Variants in CDH23 observed in about 807,000 individuals in gnomAD.
CDH23 encodes cadherin related 23.
Under a neutral mutation model 317.1 loss-of-function variants are expected in CDH23, and 189 were observed. The observed-to-expected ratio is 0.60, with a 90% CI of 0.53 to 0.67. The LOEUF is 0.67. Among genes scored for constraint, CDH23 ranks in the 30% least tolerant of loss-of-function variants. CDH23 has a pLI of 0.00. For missense variants in CDH23, 4,401 were observed against 4,592.4 expected, an observed-to-expected ratio of 0.96 and a Z score of 1.20; for synonymous variants, 1,839 against 1,876.8, an observed-to-expected ratio of 0.98 and a Z score of 0.52.
chr10:71,468,465 A>G (rs144996806), intron 3 of CDH23, among the ~76,000 whole-genome samples: 1 of 152,250 alleles, frequency 6.6e-6, no homozygotes, highest in Non-Finnish European at 1.5e-5. Flanking sequence ...ATGATGCATG[A>G]TCCTTCCAGC....
chr10:71,591,709 G>A (rs1030243629), intron 9 of CDH23, among the ~76,000 whole-genome samples: 6 of 152,332 alleles, frequency 3.9e-5, no homozygotes, highest in South Asian at 2.1e-4. Context: ...AGGCAATGCT[G>A]ATGTAGGAGT....
intron 55 of CDH23, among the ~76,000 whole-genome samples, chr10:71,805,059 T>C (rs2132982115): frequency 6.6e-6 from 1 of 152,370 alleles, no homozygotes; most frequent in African/African-American, 2.4e-5. Context: ...TCAGTTGTCA[T>C]GATCCATGAG....
rs1842006552 is a variant in CDH23, at chr10:71,813,329, G to A, written c.9719G>A (p.Cys3240Tyr). 1 of 1,551,634 alleles carries A rather than the reference G, an allele frequency of 6.4e-7. No homozygotes were observed. Among genetic ancestry groups the A allele is most frequent in the African/African-American group, 1.4e-5 (1 of 73,162 alleles). ...AQRMVQKASS[C>Y]HSSISELIQT... ...CGGATGGTGCAAAAAGCCTCCTCCT[G>A]CCACTCCTCCATCTCTGAGGTAGCC... is the stretch of plus-strand genomic sequence containing the variant. The change falls in exon 69 of 70, where the codon TGC (cysteine) becomes TAC (tyrosine). Residue 3240 changes from cysteine to tyrosine, a missense_variant. Physicochemically the swap from Cys to Tyr is radical, Grantham distance 194 (BLOSUM62 -2). Coordinates refer to ENST00000224721, the MANE Select transcript of CDH23 (RefSeq NM_022124.6).
chr10:71,612,107 A>G (rs1036328907), intron 9 of CDH23, among the ~76,000 whole-genome samples: 1 of 152,198 alleles, frequency 6.6e-6, no homozygotes, highest in Admixed American at 6.5e-5. Flanking sequence ...GTCCTCTCTC[A>G]GGTGGCCTTG....
intron 6 of CDH23, among the ~76,000 whole-genome samples, chr10:71,557,620 A>G (rs906030408): frequency 6.6e-6 from 1 of 152,248 alleles, no homozygotes; most frequent in Non-Finnish European, 1.5e-5. Context: ...TCATCTGAAC[A>G]ATGCGTTCAT....
intron 11 of CDH23, among the ~76,000 whole-genome samples, chr10:71,623,165 C>G (rs1162303004): frequency 6.6e-6 from 1 of 152,126 alleles, no homozygotes; most frequent in Non-Finnish European, 1.5e-5. Context: ...ACTCTATAAA[C>G]AGGGTGAGTG....
chr10:71,487,745 A>T (rs1246845729), intron 3 of CDH23, among the ~76,000 whole-genome samples: 1 of 152,098 alleles, frequency 6.6e-6, no homozygotes, highest in Non-Finnish European at 1.5e-5. Flanking sequence ...CCCTGGTTGT[A>T]AGTGGTCTTG....
chr10:71,721,867 C>A (rs548192587), intron 28 of CDH23, among the ~76,000 whole-genome samples: 1 of 152,276 alleles, frequency 6.6e-6, no homozygotes, highest in Non-Finnish European at 1.5e-5. Flanking sequence ...GACTGGGGTC[C>A]TAGTTCCTTC....
At chr10:71,594,171 T>G (rs1285892463) in intron 9 of CDH23, among the ~76,000 whole-genome samples, 2 of 152,190 alleles carry the variant, frequency 1.3e-5, no homozygotes, top group Non-Finnish European at 2.9e-5. Context: ...TGAACTCCAG[T>G]TAAGCAAAAT....
At chr10:71,767,096 T>C (rs1306236745) in intron 38 of CDH23, among the ~76,000 whole-genome samples, 1 of 152,236 alleles carries the variant, frequency 6.6e-6, no homozygotes, top group Non-Finnish European at 1.5e-5. Flanking sequence ...GACCTGTGCC[T>C]GAGATTTCTA....
intron 47 of CDH23, 135 bp from the exon 48 acceptor site, chr10:71,793,047 A>T (rs1168637660): frequency 6.8e-6 from 4 of 588,308 alleles, no homozygotes; most frequent in Non-Finnish European, 1.2e-5. Context: ...TGCAAGTATG[A>T]AAAAGGTATA....
chr10:71,641,343 C>T (rs1005977836), intron 11 of CDH23, among the ~76,000 whole-genome samples: 1 of 152,154 alleles, frequency 6.6e-6, no homozygotes, highest in Non-Finnish European at 1.5e-5. Context: ...AGGGCAGCAC[C>T]GGTGTGATTC....
chr10:71,492,191 C>T (rs1290664706), intron 3 of CDH23, among the ~76,000 whole-genome samples: 1 of 152,144 alleles, frequency 6.6e-6, no homozygotes, highest in East Asian at 1.9e-4. Flanking sequence ...CTGGGCAGCC[C>T]CTTGGCTAAA....
chr10:71,678,433 C>G (rs1371829698), intron 16 of CDH23, among the ~76,000 whole-genome samples: 1 of 152,178 alleles, frequency 6.6e-6, no homozygotes, highest in African/African-American at 2.4e-5. Flanking sequence ...GCTTCAGTGA[C>G]CTTTAACCAG....
intron 8 of CDH23, among the ~76,000 whole-genome samples, chr10:71,572,596 T>C (rs1358375787): frequency 6.6e-6 from 1 of 152,108 alleles, no homozygotes; most frequent in Admixed American, 6.5e-5. Context: ...CTGCACCCTC[T>C]CCGCCCCTGT....
chr10:71,731,017 G>T (rs993110439), intron 31 of CDH23, among the ~76,000 whole-genome samples: 1 of 152,222 alleles, frequency 6.6e-6, no homozygotes, highest in Non-Finnish European at 1.5e-5. Context: ...CCTAGCACAC[G>T]CAGACCCCCT....
chr10:71,502,116 C>T (rs932994583), intron 3 of CDH23, among the ~76,000 whole-genome samples: 1 of 152,176 alleles, frequency 6.6e-6, no homozygotes. Context: ...CTCACTTCAG[C>T]GATAACTAGT....
Position 71,732,101 on chromosome 10 carries a change from C to T in CDH23, c.3830C>T (p.Thr1277Ile), listed in dbSNP as rs1415644773. ...AATTACCTGGACTACGAGACCAAGACCAGCTACATGATGAATGTGTCGGCC... is the reference window on the plus strand; with the variant it reads ...AATTACCTGGACTACGAGACCAAGATCAGCTACATGATGAATGTGTCGGCC... ...TVNYLDYETKTSYMMNVSATD... is the reference protein window; with the variant it reads ...TVNYLDYETKISYMMNVSATD... Residue 1277 changes from threonine (T) to isoleucine (I), a missense_variant, in exon 32 of 70, where the codon ACC becomes ATC. Around this residue, in one of 3 missense-constraint regions of CDH23, gnomAD observed 3,068 missense variants for 3,203.3 expected, o/e 0.96. Transcript: ENST00000224721. The T allele has an allele frequency of 6.2e-7, 1 of 1,614,042 alleles. No individual in the cohort carries two copies. Among genetic ancestry groups the T allele is most frequent in the South Asian group, 1.1e-5 (1 of 91,084 alleles).
chr10:71,813,220 G>A, intron 68 of CDH23, 24 bp from the exon 69 acceptor site: 1 of 1,547,478 alleles, frequency 6.5e-7, no homozygotes, highest in Non-Finnish European at 8.7e-7. Context: ...GCCTTGGTGG[G>A]GGTTAACCCT....
Sources: allele counts gnomAD v4.1 joint callset (sites outside exome capture counted in the v4.1 genomes callset), GRCh38; gene constraint gnomAD v4.1.1; regional missense constraint gnomAD v4.1.1; transcripts MANE v1.5; gene names NCBI Gene and HGNC (gene_info 2026-07-23, HGNC 2026-07-21).